The following TRIOBP variants were observed in gnomAD, a reference collection of about 807,000 sequenced individuals.
The protein encoded by TRIOBP is TRIO and F-actin binding protein.
TRIOBP carries 169 observed loss-of-function variants against 238.8 expected under a neutral mutation model. The ratio of observed to expected loss-of-function variants is 0.71; its 90% CI spans 0.62 to 0.80. The LOEUF is 0.80. Among genes scored for constraint, TRIOBP ranks in the 30% least tolerant of loss-of-function variants. TRIOBP has a pLI of 0.00. For synonymous variants in TRIOBP, 1,150 were observed against 1,274.4 expected (o/e 0.90, Z 2.08); for missense variants, 2,838 against 3,122.6 (o/e 0.91, Z 2.17).
Position 37,726,220 on chromosome 22 carries a change from G to A in TRIOBP, c.3664G>A (p.Asp1222Asn). 4 of 1,603,372 alleles carry A rather than the reference G, an allele frequency of 2.5e-6. No homozygotes were observed. The African/African-American group carries it at 5.3e-5, about 21-fold the overall frequency. Residue 1222 changes from aspartate (D) to asparagine (N), a missense_variant, in exon 7 of 24, where the codon GAT (aspartate) becomes AAT (asparagine). Transcript: ENST00000644935. ...CCCCCAAGTGTGCATCGGGCACCGG[G>A]ATGCACCCCGAGCCTCCTCCCCACC... ...LIPQVCIGHRDAPRASSPPRH... is the reference protein window; with the variant it reads ...LIPQVCIGHRNAPRASSPPRH...
At chr22:37,732,574 G>A (rs1336278753) in intron 7 of TRIOBP, among the ~76,000 whole-genome samples, 4 of 151,420 alleles carry the variant, frequency 2.6e-5, no homozygotes, top group African/African-American at 9.7e-5. Flanking sequence ...GAAGTTGTCA[G>A]GGAGAATGTT....
chr22:37,701,363 A>G lies in TRIOBP; in HGVS notation c.-3A>G, dbSNP rs779160270. The G allele has an allele frequency of 1.1e-5, 18 of 1,611,402 alleles. No individual in the cohort carries two copies. Among genetic ancestry groups the G allele is most frequent in the East Asian group, 8.9e-5 (4 of 44,854 alleles). ...GGAACTGCCCTGGCCTGACTCACCC[A>G]ATATGGAGGAGGTGCCTGGGGATGC... is the stretch of plus-strand genomic sequence containing the variant. On this transcript the variant is annotated 5_prime_UTR_variant, in exon 3 of 24. Coordinates refer to ENST00000644935, the MANE Select transcript of TRIOBP (RefSeq NM_001039141.3).
In TRIOBP at chr22:37,699,503, G is replaced by A. The variant is rs1601613655; in HGVS notation, c.-60-1803G>A. On this transcript the variant is annotated intron_variant, in intron 2 of 23. Coordinates refer to ENST00000644935, the MANE Select transcript of TRIOBP (RefSeq NM_001039141.3). ...GATCTACAATGCAGCTATAAGACAAGGACACTCAAACTTTGGGGCGCACTA... is the reference window on the plus strand; with the variant it reads ...GATCTACAATGCAGCTATAAGACAAAGACACTCAAACTTTGGGGCGCACTA... Among the ~76,000 whole-genome samples, 3 of 152,208 alleles carry A rather than the reference G, an allele frequency of 2.0e-5. No homozygotes were observed. In the South Asian group the frequency reaches 6.2e-4, roughly 32 times the overall value.
rs1601633610 is a variant in TRIOBP at position 37,726,274 on chromosome 22, C to G, written c.3718C>G (p.Leu1240Val). Residue 1240 changes from leucine to valine, a missense_variant, in exon 7 of 24, where the codon CTG becomes GTG. This residue lies in a region of TRIOBP where 2,096 missense variants were observed against 2,137.4 expected (regional missense o/e 0.98). Transcript: ENST00000644935. ...PRHPPSDLAF[L>V]APSPSPGSSG... The stretch of plus-strand genomic sequence containing the variant: ...CCACCCACCCAGTGACCTAGCGTTC[C>G]TGGCACCCTCACCTTCACCGGGCAG... 1.2e-6 allele frequency: 2 copies of G among 1,613,062 alleles called. No homozygotes were observed. The highest frequency in any genetic ancestry group is 4.5e-5 in the East Asian group (2 of 44,890).
At chr22:37,717,103 C>G (rs1355388888) in intron 6 of TRIOBP, among the ~76,000 whole-genome samples, 2 of 152,142 alleles carry the variant, frequency 1.3e-5, no homozygotes, top group East Asian at 1.9e-4. Context: ...TTTGGAGTTT[C>G]TTCCTTCTGG....
chr22:37,754,436 A>G (rs978451542), intron 12 of TRIOBP, among the ~76,000 whole-genome samples: 8 of 150,800 alleles, frequency 5.3e-5, no homozygotes, highest in East Asian at 3.9e-4. Flanking sequence ...AAAAAAAAAA[A>G]GGCAGCAGAT....
intron 11 of TRIOBP, chr22:37,751,213 A>G (rs1601653222): frequency 2.7e-6 from 1 of 365,828 alleles, no homozygotes; most frequent in Non-Finnish European, 5.6e-6. Flanking sequence ...AGGGCTTGCC[A>G]GGACTGACCC....
chr22:37,708,773 G>A (rs1339275582), intron 3 of TRIOBP, among the ~76,000 whole-genome samples: 2 of 152,230 alleles, frequency 1.3e-5, no homozygotes, highest in African/African-American at 2.4e-5. Context: ...GCCGGGAACC[G>A]GAGGAGCCAG....
At chr22:37,761,212 T>A (rs1479187255) in intron 17 of TRIOBP, among the ~76,000 whole-genome samples, 1 of 150,592 alleles carries the variant, frequency 6.6e-6, no homozygotes, top group African/African-American at 2.4e-5. Context: ...CTTTGGGAGG[T>A]GAGGTGGGTG....
rs111657558 is a variant in TRIOBP, at chr22:37,700,451, C to CT, written c.-60-844dup. On this transcript the variant is annotated intron_variant, in intron 2 of 23. Transcript: ENST00000644935. ...CACCATCTTACCCAGCTGAAATCTGCTTTTTTTTTTTCTCAGTGCAGTGGC... is the reference window on the plus strand; with the variant it reads ...CACCATCTTACCCAGCTGAAATCTGCTTTTTTTTTTTTCTCAGTGCAGTGGC... Among the ~76,000 whole-genome samples the CT allele has an allele frequency of 1.7e-3, 255 of 146,696 alleles. 2 individuals carry two copies. Among genetic ancestry groups the CT allele is most frequent in the Admixed American group, 3.8e-3 (55 of 14,542 alleles).
intron 11 of TRIOBP, among the ~76,000 whole-genome samples, chr22:37,750,104 G>A (rs551682073): frequency 2.0e-5 from 3 of 152,298 alleles, no homozygotes; most frequent in East Asian, 1.9e-4. Flanking sequence ...CGGAAGCTGC[G>A]GGAGGGGAGG....
chr22:37,708,178 G>A (rs1170192194), intron 3 of TRIOBP, among the ~76,000 whole-genome samples: 2 of 149,396 alleles, frequency 1.3e-5, no homozygotes, highest in Admixed American at 6.7e-5. Flanking sequence ...CCCGGGAGGC[G>A]GAGCTTGCAG....
rs1011671394 is a variant in TRIOBP at position 37,723,561 on chromosome 22, AC to A, written c.1006del (p.Gln336SerfsTer543). On this transcript the variant is annotated frameshift_variant, in exon 7 of 24. Transcript: ENST00000644935. LOFTEE classifies it high-confidence loss of function. ...AGGACACCCCCAGGGCCTCATCTACACAGTGGAACACCCCCAGAGCTTCCTC... is the reference window on the plus strand; with the variant it reads ...AGGACACCCCCAGGGCCTCATCTACAAGTGGAACACCCCCAGAGCTTCCTC... ...QEDTPRASST[Q>X]WNTPRASSPS... The A allele has an allele frequency of 1.9e-6, 3 of 1,613,620 alleles. No individual in the cohort carries two copies. The highest frequency in any genetic ancestry group is 2.5e-6 in the Non-Finnish European group (3 of 1,179,906).
At chr22:37,768,318 AG>A in intron 19 of TRIOBP, 142 bp downstream of exon 19, 1 of 745,332 alleles carries the variant, frequency 1.3e-6, no homozygotes, top group East Asian at 2.7e-5. Context: ...AAACAGAAGC[AG>A]AAGGTCCTCA....
Position 37,735,393 on chromosome 22 carries a change from C to T in TRIOBP, c.5057C>T (p.Pro1686Leu). The change falls in exon 9 of 24, where the codon CCC becomes CTC. Residue 1686 changes from proline (P) to leucine (L), a missense_variant. Transcript: ENST00000644935. Reference protein sequence around the residue: ...ATLAGLEQTGPLGSRSTAKGP... With the variant: ...ATLAGLEQTGLLGSRSTAKGP... The stretch of plus-strand genomic sequence containing the variant: ...CTGGCAGGCCTGGAGCAGACGGGCC[C>T]CCTGGGGAGCAGGAGCACTGCGAAG... 1 of 1,602,452 alleles carries T rather than the reference C, an allele frequency of 6.2e-7. No individual in the cohort carries two copies.
intron 11 of TRIOBP, among the ~76,000 whole-genome samples, chr22:37,742,264 T>G (rs918068070): frequency 2.7e-5 from 4 of 146,548 alleles, no homozygotes; most frequent in East Asian, 2.0e-4. Flanking sequence ...GGCGTTTTTT[T>G]TTTTTTTTTT....
In TRIOBP at chr22:37,711,578, CAAAA is replaced by C. The variant is rs1185976077; in HGVS notation, c.254+1023_254+1026del. Among the ~76,000 whole-genome samples the C allele has an allele frequency of 8.5e-3, 153 of 18,042 alleles. 2 individuals carry two copies. Among genetic ancestry groups the C allele is most frequent in the Non-Finnish European group, 1.9e-3 (16 of 8,426 alleles). 11.8% of individuals were successfully genotyped at this position (18,042 alleles called of 152,430 possible). ...TGGGTGACACAGCGAGGCTCCGTCTCAAAAAAAAAAAAAACAACAAAAAAAAAAA... is the reference window on the plus strand; with the variant it reads ...TGGGTGACACAGCGAGGCTCCGTCTCAAAAAAAAAACAACAAAAAAAAAAA... On this transcript the variant is annotated intron_variant, in intron 4 of 23. Coordinates refer to ENST00000644935, the MANE Select transcript of TRIOBP (RefSeq NM_001039141.3).
chr22:37,733,221 G>A, intron 7 of TRIOBP, 77 bp from the exon 8 acceptor site: 2 of 1,154,114 alleles, frequency 1.7e-6, no homozygotes, highest in Non-Finnish European at 2.5e-6. Context: ...ATCTCCTCCT[G>A]TTGGAGGTGG....
At chr22:37,699,271 GA>G (rs2145807723) in intron 2 of TRIOBP, among the ~76,000 whole-genome samples, 1 of 152,286 alleles carries the variant, frequency 6.6e-6, no homozygotes, top group African/African-American at 2.4e-5. Context: ...CCTCAACTCT[GA>G]AAATACCTGG....
Sources: allele counts gnomAD v4.1 joint callset (sites outside exome capture counted in the v4.1 genomes callset), GRCh38; gene constraint gnomAD v4.1.1; regional missense constraint gnomAD v4.1.1; transcripts MANE v1.5; gene names NCBI Gene and HGNC (gene_info 2026-07-23, HGNC 2026-07-21).